The following P4HA2 variants were observed in gnomAD, a reference collection of about 807,000 sequenced individuals.
The protein encoded by P4HA2 is prolyl 4-hydroxylase subunit alpha 2.
In P4HA2, 46 loss-of-function variants were observed where a neutral mutation model predicts 76.9. That is an observed-to-expected ratio of 0.60 (90% CI 0.47 to 0.76). The LOEUF (loss-of-function observed/expected upper bound fraction) is 0.76. Among genes scored for constraint, P4HA2 ranks in the 30% least tolerant of loss-of-function variants. The pLI, the probability that P4HA2 is intolerant of heterozygous loss-of-function variation, is 0.00. For synonymous variants in P4HA2, 243 were observed against 254.0 expected (o/e 0.96, Z 0.41); for missense variants, 583 against 669.4 (o/e 0.87, Z 1.42).
chr5:132,197,980 GA>G, intron 12 of P4HA2: 1 of 984,402 alleles, frequency 1.0e-6, no homozygotes, highest in Non-Finnish European at 1.2e-6. Flanking sequence ...AAACACTGGG[GA>G]AAAAAATAGG....
rs756607392 is a variant in P4HA2 at position 132,198,872 on chromosome 5, G to A, written c.1305+7C>T. 1.2e-6 allele frequency: 2 copies of A among 1,604,346 alleles called. No homozygotes were observed. The highest frequency in any genetic ancestry group is 2.2e-5 in the South Asian group (2 of 90,932). ...CCCTTTGAAAGCACCTGTGATTTAG[G>A]CCTTACCCTAGAGAAGTCGAAGTGC... On this transcript the variant is annotated splice_region_variant and intron_variant, in intron 11 of 14. Coordinates refer to ENST00000360568, the MANE Select transcript of P4HA2 (RefSeq NM_001017974.2).
rs199846012 is a variant in P4HA2, at chr5:132,192,546, G to A, written c.*464C>T. On this transcript the variant is annotated 3_prime_UTR_variant, in exon 15 of 15. Transcript: ENST00000360568. ...ATCCAGACTCTGCCTGCATGAAGGT[G>A]ATGCATAGGAAATGATGAACCTGGT... 3 of 153,520 alleles carry A rather than the reference G, an allele frequency of 2.0e-5. No individual in the cohort carries two copies. Among genetic ancestry groups the A allele is most frequent in the Non-Finnish European group, 4.4e-5 (3 of 68,560 alleles). The allele number at this position is 153,520 out of a possible 1,614,324, so 9.5% of individuals were successfully genotyped here.
chr5:132,222,263 G>A (rs1176862858), intron 1 of P4HA2, among the ~76,000 whole-genome samples: 1 of 152,228 alleles, frequency 6.6e-6, no homozygotes, highest in African/African-American at 2.4e-5. Flanking sequence ...TAACAGGGCT[G>A]AAAGGACCTG....
chr5:132,203,470 G>C (rs2126560947), intron 10 of P4HA2: 1 of 429,128 alleles, frequency 2.3e-6, no homozygotes, highest in Non-Finnish European at 4.3e-6. Context: ...CTGTTGTCAA[G>C]AAGACATGAA....
At chr5:132,224,299 A>G (rs1325710389) in intron 1 of P4HA2, among the ~76,000 whole-genome samples, 1 of 152,264 alleles carries the variant, frequency 6.6e-6, no homozygotes, top group Non-Finnish European at 1.5e-5. Flanking sequence ...AGGATTCCTC[A>G]GTTTCCCCAT....
intron 1 of P4HA2, chr5:132,226,706 C>A (rs1755445721): frequency 6.6e-6 from 1 of 152,368 alleles, no homozygotes; most frequent in Non-Finnish European, 1.5e-5. Context: ...CCTGGGCTGT[C>A]CAGCAATACC....
rs1194044725 is a variant in P4HA2, at chr5:132,190,858, T to C, written c.*2152A>G. On this transcript the variant is annotated 3_prime_UTR_variant, in exon 15 of 15. Transcript: ENST00000360568. Reference sequence around the variant, plus strand: ...TTAAAATTTGTATGAATAAGAACACTTGAAGAAACCTAATAACTAATAAAC... The same window carrying C: ...TTAAAATTTGTATGAATAAGAACACCTGAAGAAACCTAATAACTAATAAAC... Among the ~76,000 whole-genome samples the C allele has an allele frequency of 2.6e-5, 4 of 152,194 alleles. No homozygotes were observed. The highest frequency in any genetic ancestry group is 4.4e-5 in the Non-Finnish European group (3 of 68,036).
At chr5:132,208,682 AGG>A (rs1752596079) in intron 7 of P4HA2, among the ~76,000 whole-genome samples, 7 of 151,788 alleles carry the variant, frequency 4.6e-5, no homozygotes. Context: ...GGCATGGAAA[AGG>A]CTCAGAGCCT....
chr5:132,220,582 C>T (rs1355848889), intron 1 of P4HA2, among the ~76,000 whole-genome samples: 1 of 152,226 alleles, frequency 6.6e-6, no homozygotes, highest in Non-Finnish European at 1.5e-5. Flanking sequence ...GAAGTCTGTC[C>T]ATTCCTTTCA....
chr5:132,203,910 A>G, intron 9 of P4HA2, 63 bp from the exon 10 acceptor site: 1 of 1,311,622 alleles, frequency 7.6e-7, no homozygotes, highest in Non-Finnish European at 1.1e-6. Flanking sequence ...GAGGTCCTGA[A>G]CTCTGTCCCC....
chr5:132,216,229 G>A (rs1351361958), intron 4 of P4HA2, among the ~76,000 whole-genome samples: 2 of 149,790 alleles, frequency 1.3e-5, no homozygotes, highest in East Asian at 3.9e-4. Context: ...TAGGAGTTAG[G>A]AGAGCCCACC....
chr5:132,224,953 C>T (rs1755152473), intron 1 of P4HA2, among the ~76,000 whole-genome samples: 1 of 150,244 alleles, frequency 6.7e-6, no homozygotes, highest in African/African-American at 2.5e-5. Flanking sequence ...TACCCAAACA[C>T]TTAATCCTCT....
chr5:132,200,448 TAAG>T (rs1210006640), intron 10 of P4HA2: 1 of 162,510 alleles, frequency 6.2e-6, no homozygotes, highest in African/African-American at 2.4e-5. Flanking sequence ...CAGGTGGCCC[TAAG>T]GCTGGAGATG....
intron 1 of P4HA2, among the ~76,000 whole-genome samples, chr5:132,223,974 T>G (rs1178103582): frequency 3.3e-5 from 5 of 152,222 alleles, no homozygotes; most frequent in Non-Finnish European, 7.3e-5. Context: ...AGGAAGAACA[T>G]GCCTGCCCAG....
At position 132,190,740 on chromosome 5, in the gene P4HA2, C is replaced by T. The variant is rs1244080752; in HGVS notation, c.*2270G>A. Reference sequence around the variant, plus strand: ...ATAGATTTGACATAAAAATTAAAAGCTCCTGTTTATCAAAAGACAGAACTA... The same window carrying T: ...ATAGATTTGACATAAAAATTAAAAGTTCCTGTTTATCAAAAGACAGAACTA... On this transcript the variant is annotated 3_prime_UTR_variant, in exon 15 of 15. Transcript: ENST00000360568. Among the ~76,000 whole-genome samples the T allele has an allele frequency of 6.6e-6, 1 of 152,030 alleles. No individual in the cohort carries two copies. Among genetic ancestry groups the T allele is most frequent in the African/African-American group, 2.4e-5 (1 of 41,390 alleles).
chr5:132,204,562 G>A (rs1194622230), intron 8 of P4HA2, among the ~76,000 whole-genome samples: 4 of 152,128 alleles, frequency 2.6e-5, no homozygotes, highest in African/African-American at 9.7e-5. Context: ...CACCATGCCT[G>A]AGCCTCCGCC....
Position 132,210,380 on chromosome 5 carries a change from T to C in P4HA2, c.613A>G (p.Thr205Ala). 2.5e-6 allele frequency: 4 copies of C among 1,614,108 alleles called. No homozygotes were observed. The highest frequency in any genetic ancestry group is 3.4e-6 in the Non-Finnish European group (4 of 1,180,000). Reference sequence around the variant, plus strand: ...AGGTAGTCCAGCACCTGTGACTTGGTTGTGGTGGCCTCCTCCCCGGCATCA... The same window carrying C: ...AGGTAGTCCAGCACCTGTGACTTGGCTGTGGTGGCCTCCTCCCCGGCATCA... Reference protein sequence around the residue: ...QLDAGEEATTTKSQVLDYLSY... With the variant: ...QLDAGEEATTAKSQVLDYLSY... The change falls in exon 6 of 15, where the codon ACC becomes GCC. Residue 205 changes from threonine to alanine, a missense_variant. Transcript: ENST00000360568.
At chr5:132,193,676 TA>T (rs1193652520) in intron 14 of P4HA2, 1 of 152,008 alleles carries the variant, frequency 6.6e-6, no homozygotes, top group Non-Finnish European at 1.5e-5. Flanking sequence ...GCTTGGACAT[TA>T]ACCTCAGGAG....
At position 132,221,974 on chromosome 5, in the gene P4HA2, A is replaced by G. The variant is rs909154503; in HGVS notation, c.-18-3330T>C. 2.0e-5 allele frequency: 3 copies of G among 152,270 alleles called. No individual in the cohort carries two copies. In the South Asian group the frequency reaches 6.2e-4, roughly 32 times the overall value. 9.4% of individuals were successfully genotyped at this position (152,270 alleles called of 1,614,324 possible). ...CCTGAACTTTGGAAAAGACATTTACAATCTGGCCAAATGGCCATGAAAAGA... is the reference window on the plus strand; with the variant it reads ...CCTGAACTTTGGAAAAGACATTTACGATCTGGCCAAATGGCCATGAAAAGA... On this transcript the variant is annotated intron_variant, in intron 1 of 14. Coordinates refer to ENST00000360568, the MANE Select transcript of P4HA2 (RefSeq NM_001017974.2).
Sources: gnomAD v4.1 joint callset for allele counts (sites outside exome capture counted in the v4.1 genomes callset) on GRCh38, gnomAD v4.1.1 for gene constraint, MANE v1.5 for transcripts, NCBI Gene and HGNC (gene_info 2026-07-23, HGNC 2026-07-21) for gene names.